LDLRAD3: variants seen among roughly 807,000 people sequenced by gnomAD.
The protein encoded by LDLRAD3 is low-density lipoprotein receptor class A domain-containing protein 3.
A neutral mutation model predicts 29.4 loss-of-function variants in LDLRAD3; 20 were observed. The observed-to-expected ratio is 0.68, with a 90% CI of 0.48 to 0.99. The LOEUF is 0.99. Among genes scored for constraint, LDLRAD3 ranks in the 50% least tolerant of loss-of-function variants. The pLI is 0.00. For missense variants in LDLRAD3, 420 were observed against 454.3 expected (o/e 0.92, Z 0.69); for synonymous variants, 157 against 192.7 (o/e 0.81, Z 1.53).
At chr11:36,147,242 C>T (rs928968844) in intron 4 of LDLRAD3, among the ~76,000 whole-genome samples, 3 of 148,988 alleles carry the variant, frequency 2.0e-5, no homozygotes, top group African/African-American at 5.0e-5. Flanking sequence ...CTCAGCCTCC[C>T]GAGTAGCTAG....
rs184358831 is a variant in LDLRAD3, at chr11:36,113,633, C to A, written c.454+15172C>A. Among the ~76,000 whole-genome samples the A allele has an allele frequency of 4.0e-5, 6 of 151,162 alleles. 1 individual carries two copies. Among genetic ancestry groups the A allele is most frequent in the Admixed American group, 3.3e-4 (5 of 15,204 alleles). ...TCTTTCTCATTGTGGGTACTTATAT[C>A]ACCTTTTATATCCTAGGTGTAGAAA... On this transcript the variant is annotated intron_variant, in intron 4 of 5. Transcript: ENST00000315571.
intron 1 of LDLRAD3, among the ~76,000 whole-genome samples, chr11:35,980,349 T>C (rs1851525444): frequency 6.6e-6 from 1 of 152,220 alleles, no homozygotes; most frequent in African/African-American, 2.4e-5. Context: ...TACGGCTTAT[T>C]GGCTCCTGTT....
intron 4 of LDLRAD3, among the ~76,000 whole-genome samples, chr11:36,145,398 C>CT: frequency 1.9e-5 from 2 of 102,798 alleles, no homozygotes; most frequent in African/African-American, 4.6e-5. Context: ...GTCAGCCCCC[C>CT]GCCCAGCCAG....
chr11:36,146,010 AG>A (rs1441679081), intron 4 of LDLRAD3, among the ~76,000 whole-genome samples: 1 of 149,496 alleles, frequency 6.7e-6, no homozygotes, highest in Non-Finnish European at 1.5e-5. Context: ...AATAAAAAAA[AG>A]AAAAAAAAAA....
chr11:36,147,186 C>T (rs1427767949), intron 4 of LDLRAD3, among the ~76,000 whole-genome samples: 12 of 132,772 alleles, frequency 9.0e-5, no homozygotes, highest in Non-Finnish European at 1.1e-4. Context: ...GGCATGATCT[C>T]GGCTCACTGC....
chr11:36,195,328 A>G lies in LDLRAD3; in HGVS notation c.455-31757A>G, dbSNP rs76305133. Among the ~76,000 whole-genome samples the G allele has an allele frequency of 4.7e-3, 711 of 152,338 alleles. 17 individuals carry two copies. The highest frequency in any genetic ancestry group is 4.1e-3 in the East Asian group (21 of 5,182). On this transcript the variant is annotated intron_variant, in intron 4 of 5. Transcript: ENST00000315571. Reference sequence around the variant, plus strand: ...GCATCGTACTATGTTGGCATTGCACATAAGTCCATGAAAACCTATTTCTTA... The same window carrying G: ...GCATCGTACTATGTTGGCATTGCACGTAAGTCCATGAAAACCTATTTCTTA...
chr11:36,178,441 G>A (rs1034333706), intron 4 of LDLRAD3, among the ~76,000 whole-genome samples: 5 of 152,104 alleles, frequency 3.3e-5, no homozygotes, highest in African/African-American at 9.7e-5. Flanking sequence ...TCCGTCGTAC[G>A]CCAAATCCAT....
At chr11:36,222,619 A>G (rs1855445425) in intron 4 of LDLRAD3, among the ~76,000 whole-genome samples, 1 of 151,956 alleles carries the variant, frequency 6.6e-6, no homozygotes, top group Non-Finnish European at 1.5e-5. Context: ...GGAGGAGGGG[A>G]TTTTTTTGGA....
intron 4 of LDLRAD3, among the ~76,000 whole-genome samples, chr11:36,126,906 G>C (rs985700548): frequency 6.6e-6 from 1 of 152,218 alleles, no homozygotes; most frequent in Non-Finnish European, 1.5e-5. Context: ...TGCCGAGCAA[G>C]TGCATCCTGT....
At chr11:36,068,033 A>G (rs946747428) in intron 2 of LDLRAD3, among the ~76,000 whole-genome samples, 1 of 152,100 alleles carries the variant, frequency 6.6e-6, no homozygotes, top group African/African-American at 2.4e-5. Flanking sequence ...TCTCATTGCA[A>G]TCATCTGCTT....
At chr11:36,160,982 A>G (rs911204320) in intron 4 of LDLRAD3, among the ~76,000 whole-genome samples, 1 of 152,170 alleles carries the variant, frequency 6.6e-6, no homozygotes, top group Admixed American at 6.5e-5. Context: ...TTCAGTAGAA[A>G]TAGGGTTTCA....
At chr11:35,976,415 G>A (rs1851476391) in intron 1 of LDLRAD3, among the ~76,000 whole-genome samples, 3 of 152,114 alleles carry the variant, frequency 2.0e-5, no homozygotes. Flanking sequence ...GAGCTGGAAA[G>A]TTTCTCCCCA....
intron 2 of LDLRAD3, among the ~76,000 whole-genome samples, chr11:36,059,358 G>A (rs1267974765): frequency 2.1e-4 from 29 of 136,586 alleles, no homozygotes; most frequent in Non-Finnish European, 2.0e-4. Context: ...CCCTGTCTCA[G>A]AAAAAAAAAA....
intron 4 of LDLRAD3, among the ~76,000 whole-genome samples, chr11:36,168,223 A>G (rs1831757141): frequency 6.6e-6 from 1 of 152,200 alleles, no homozygotes; most frequent in African/African-American, 2.4e-5. Flanking sequence ...TTAAAAACCA[A>G]CAAGATCATA....
At chr11:35,950,393 C>T (rs1393723275) in intron 1 of LDLRAD3, among the ~76,000 whole-genome samples, 1 of 152,122 alleles carries the variant, frequency 6.6e-6, no homozygotes, top group South Asian at 2.1e-4. Context: ...TACTGGTATA[C>T]GTGTATTGGT....
At chr11:36,218,403 A>G (rs778329157) in intron 4 of LDLRAD3, among the ~76,000 whole-genome samples, 1 of 152,202 alleles carries the variant, frequency 6.6e-6, no homozygotes, top group Non-Finnish European at 1.5e-5. Flanking sequence ...GAAGAATTCT[A>G]CAAGAATTAC....
Position 36,078,614 on chromosome 11 carries a change from G to A in LDLRAD3, c.194-3039G>A, listed in dbSNP as rs181645166. Among the ~76,000 whole-genome samples the A allele has an allele frequency of 2.0e-5, 3 of 152,332 alleles. No individual in the cohort carries two copies. In the East Asian group the frequency reaches 5.8e-4, roughly 29 times the overall value. ...TGGGAGTAAGGGGGGCCCAGGGAGT[G>A]CAGAGATGTCTGCATCTGCAGCTGC... On this transcript the variant is annotated intron_variant, in intron 2 of 5. Transcript: ENST00000315571.
At chr11:35,986,167 A>G (rs1056099311) in intron 1 of LDLRAD3, among the ~76,000 whole-genome samples, 1 of 152,190 alleles carries the variant, frequency 6.6e-6, no homozygotes, top group Admixed American at 6.5e-5. Flanking sequence ...AAATCTCTGC[A>G]TAAAGGGCCA....
In LDLRAD3 at chr11:36,101,653, C is replaced by T. The variant is rs148127186; in HGVS notation, c.454+3192C>T. ...TCCTTCGTAGGGTGTACACATCTCC[C>T]TGCCCTGAGTGAGACTCTGGTATTA... On this transcript the variant is annotated intron_variant, in intron 4 of 5. Transcript: ENST00000315571. Among the ~76,000 whole-genome samples, 3 of 152,180 alleles carry T rather than the reference C, an allele frequency of 2.0e-5. No homozygotes were observed. The East Asian group carries it at 5.8e-4, about 30-fold the overall frequency.
Sources: gnomAD v4.1 joint callset for allele counts (sites outside exome capture counted in the v4.1 genomes callset) on GRCh38, gnomAD v4.1.1 for gene constraint, MANE v1.5 for transcripts, NCBI Gene and HGNC (gene_info 2026-07-23, HGNC 2026-07-21) for gene names.